Variants in EPHA3 observed in about 807,000 individuals in gnomAD.
EPHA3 encodes the protein ephrin type-A receptor 3.
Under a neutral mutation model 107.1 loss-of-function variants are expected in EPHA3, and 42 were observed. That is an observed-to-expected ratio of 0.39 (90% CI 0.31 to 0.51). The LOEUF is 0.51. Ranked by LOEUF, EPHA3 falls within the 20% of genes least tolerant of loss-of-function variation. EPHA3 has a pLI of 0.78. For missense variants in EPHA3, 1,183 were observed against 1,211.2 expected, an observed-to-expected ratio of 0.98 and a Z score of 0.35; for synonymous variants, 461 against 424.8, an observed-to-expected ratio of 1.09 and a Z score of -1.05.
At chr3:89,389,859 A>G (rs955155127) in intron 5 of EPHA3, among the ~76,000 whole-genome samples, 1 of 152,180 alleles carries the variant, frequency 6.6e-6, no homozygotes, top group East Asian at 1.9e-4. Context: ...TTGTTTTTCT[A>G]TTATTTTATT....
At chr3:89,246,077 T>C (rs1705024689) in intron 3 of EPHA3, among the ~76,000 whole-genome samples, 1 of 152,128 alleles carries the variant, frequency 6.6e-6, no homozygotes, top group Non-Finnish European at 1.5e-5. Flanking sequence ...ATTTAAACAA[T>C]AGGAATGCTG....
At position 89,222,326 on chromosome 3, in the gene EPHA3, C is replaced by CATATATAT. The variant is rs34438291; in HGVS notation, c.814+11827_814+11834dup. Among the ~76,000 whole-genome samples the CATATATAT allele has an allele frequency of 5.6e-4, 77 of 138,526 alleles. 1 individual carries two copies. The highest frequency in any genetic ancestry group is 2.1e-4 in the East Asian group (1 of 4,780). The allele number at this position is 138,526 out of a possible 152,430, so 90.9% of individuals were successfully genotyped here. A position where few individuals can be genotyped will look rare whatever the true frequency, so the allele number is the denominator to read the frequency against. ...TTTAAAAAGCTCATAAATACATATA[C>CATATATAT]ATATATATATATATATATATATATA... is the stretch of plus-strand genomic sequence containing the variant. On this transcript the variant is annotated intron_variant, in intron 3 of 16. Transcript: ENST00000336596.
chr3:89,223,442 A>G (rs764956039), intron 3 of EPHA3, among the ~76,000 whole-genome samples: 2 of 152,200 alleles, frequency 1.3e-5, no homozygotes, highest in South Asian at 4.1e-4. Flanking sequence ...GAGCTGCCAT[A>G]AAGAAATTTA....
At chr3:89,122,056 T>C (rs951482941) in intron 1 of EPHA3, among the ~76,000 whole-genome samples, 2 of 152,234 alleles carry the variant, frequency 1.3e-5, no homozygotes, top group Non-Finnish European at 1.5e-5. Flanking sequence ...CAAAGTTTAT[T>C]TCTTTCTGTA....
At chr3:89,269,415 G>T (rs1705611753) in intron 3 of EPHA3, among the ~76,000 whole-genome samples, 1 of 151,896 alleles carries the variant, frequency 6.6e-6, no homozygotes, top group African/African-American at 2.4e-5. Context: ...TTGATGTACA[G>T]GGCATAGAGA....
intron 13 of EPHA3, among the ~76,000 whole-genome samples, chr3:89,437,881 A>G (rs1709705326): frequency 6.6e-6 from 1 of 152,148 alleles, no homozygotes; most frequent in South Asian, 2.1e-4. Context: ...AAAGTTTGAG[A>G]AAACAAATTG....
chr3:89,153,151 T>C (rs763919056), intron 2 of EPHA3, among the ~76,000 whole-genome samples: 8 of 152,090 alleles, frequency 5.3e-5, no homozygotes, highest in Non-Finnish European at 8.8e-5. Flanking sequence ...AGAGTTCCAT[T>C]GTGAATTGAC....
chr3:89,421,290 T>C, intron 11 of EPHA3, among the ~76,000 whole-genome samples: 1 of 151,176 alleles, frequency 6.6e-6, no homozygotes. Flanking sequence ...TCATAATAGA[T>C]ACTTAATTTA....
At chr3:89,390,775 A>G (rs1219306538) in intron 5 of EPHA3, among the ~76,000 whole-genome samples, 2 of 146,192 alleles carry the variant, frequency 1.4e-5, no homozygotes, top group South Asian at 2.1e-4. Flanking sequence ...TGGAAGAGAA[A>G]TTGAAAAGCA....
chr3:89,409,965 G>C (rs1003994760), intron 9 of EPHA3, among the ~76,000 whole-genome samples: 10 of 151,992 alleles, frequency 6.6e-5, no homozygotes, highest in African/African-American at 2.4e-4. Flanking sequence ...AGCTTAACAC[G>C]TGTGCATGTG....
intron 7 of EPHA3, among the ~76,000 whole-genome samples, chr3:89,402,167 C>T (rs1708976547): frequency 6.6e-6 from 1 of 151,924 alleles, no homozygotes; most frequent in African/African-American, 2.4e-5. Context: ...CCAGATTTAC[C>T]ACAGATATTG....
intron 5 of EPHA3, among the ~76,000 whole-genome samples, chr3:89,355,767 G>T (rs375667823): frequency 6.7e-6 from 1 of 150,070 alleles, no homozygotes; most frequent in African/African-American, 2.4e-5. Flanking sequence ...AGATCTTCCC[G>T]TGTCTGGGGG....
intron 15 of EPHA3, 145 bp from the exon 16 acceptor site, chr3:89,472,319 A>C (rs1357670675): frequency 1.2e-6 from 1 of 865,834 alleles, no homozygotes; most frequent in Non-Finnish European, 1.8e-6. Context: ...TGAACAGATG[A>C]AGCTTTCATG....
chr3:89,384,854 T>C (rs1708585060), intron 5 of EPHA3, among the ~76,000 whole-genome samples: 1 of 152,148 alleles, frequency 6.6e-6, no homozygotes, highest in Non-Finnish European at 1.5e-5. Flanking sequence ...TGTATAACAA[T>C]GTATGGATGT....
chr3:89,313,197 C>T (rs1172749238), intron 3 of EPHA3, among the ~76,000 whole-genome samples: 2 of 151,918 alleles, frequency 1.3e-5, no homozygotes, highest in Admixed American at 6.6e-5. Flanking sequence ...TTTAATCTTT[C>T]CACTTTCAAA....
intron 13 of EPHA3, among the ~76,000 whole-genome samples, chr3:89,446,511 C>A (rs1180329060): frequency 6.6e-6 from 1 of 152,096 alleles, no homozygotes; most frequent in African/African-American, 2.4e-5. Flanking sequence ...TTCTGTGTTT[C>A]TTTTTAACCC....
chr3:89,440,165 T>C (rs1286412064), intron 13 of EPHA3, among the ~76,000 whole-genome samples: 3 of 152,222 alleles, frequency 2.0e-5, no homozygotes, highest in Non-Finnish European at 4.4e-5. Flanking sequence ...TTCACCTTGT[T>C]GTCTGCAGTG....
chr3:89,234,384 T>G (rs184146765), intron 3 of EPHA3, among the ~76,000 whole-genome samples: 2 of 152,290 alleles, frequency 1.3e-5, no homozygotes, highest in Non-Finnish European at 2.9e-5. Context: ...TGCAAAACTG[T>G]TTGGAAAACT....
intron 1 of EPHA3, among the ~76,000 whole-genome samples, chr3:89,109,987 A>G (rs1707063159): frequency 6.6e-6 from 1 of 152,008 alleles, no homozygotes; most frequent in Non-Finnish European, 1.5e-5. Context: ...CTCTCAGTTG[A>G]GTTGAATAAC....
Sources: allele counts gnomAD v4.1 joint callset (sites outside exome capture counted in the v4.1 genomes callset), GRCh38; gene constraint gnomAD v4.1.1; transcripts MANE v1.5; gene names NCBI Gene and HGNC (gene_info 2026-07-23, HGNC 2026-07-21).